The following TENM4 variants were observed in gnomAD, a reference collection of about 807,000 sequenced individuals.
The protein encoded by TENM4 is teneurin-4.
TENM4 carries 82 observed loss-of-function variants against 243.3 expected under a neutral mutation model. The observed-to-expected ratio is 0.34, with a 90% confidence interval of 0.28 to 0.40. The LOEUF is 0.40. Among genes scored for constraint, TENM4 ranks in the 10% least tolerant of loss-of-function variants. The pLI is 1.00. For missense variants in TENM4, 3,138 were observed against 3,673.3 expected (o/e 0.85, Z 3.77); for synonymous variants, 1,412 against 1,456.3 (o/e 0.97, Z 0.69).
intron 1 of TENM4, among the ~76,000 whole-genome samples, chr11:79,401,057 A>G (rs572125665): frequency 1.1e-3 from 175 of 152,348 alleles, no homozygotes; most frequent in African/African-American, 4.1e-3. Flanking sequence ...CGAGTGAAAA[A>G]TCAGTGGTAC....
Position 79,164,021 on chromosome 11 carries a change from GTATGTA to G in TENM4, c.-162-15221_-162-15216del, listed in dbSNP as rs1392468137. 2.8e-3 allele frequency among the ~76,000 whole-genome samples: 164 copies of G among 59,632 alleles called. 1 individual carries two copies. Among genetic ancestry groups the G allele is most frequent in the Non-Finnish European group, 4.1e-3 (114 of 28,060 alleles). 39.1% of individuals were successfully genotyped at this position (59,632 alleles called of 152,430 possible). A position where few individuals can be genotyped will look rare whatever the true frequency, so the allele number is the denominator to read the frequency against. On this transcript the variant is annotated intron_variant, in intron 3 of 33. Coordinates refer to ENST00000278550, the MANE Select transcript of TENM4 (RefSeq NM_001098816.3). ...TAGTATAGTATATAGTATATATATA[GTATGTA>G]TATAGTATATATACACTATAAATAC...
chr11:79,007,679 G>A (rs1858528235), intron 6 of TENM4, among the ~76,000 whole-genome samples: 1 of 152,122 alleles, frequency 6.6e-6, no homozygotes, highest in Non-Finnish European at 1.5e-5. Flanking sequence ...GACAGGAAAA[G>A]AGCACTCCAG....
rs117180005 is a variant in TENM4, at chr11:79,379,928, G to T, written c.-321+60581C>A. On this transcript the variant is annotated intron_variant, in intron 1 of 33. Transcript: ENST00000278550. Reference sequence around the variant, plus strand: ...CTGAGGGAGAGACTGGCTTGTCAGGGGCTGGGGGATCAAGAGCTCTGCTTT... The same window carrying T: ...CTGAGGGAGAGACTGGCTTGTCAGGTGCTGGGGGATCAAGAGCTCTGCTTT... Among the ~76,000 whole-genome samples the T allele has an allele frequency of 2.1e-3, 317 of 152,272 alleles. 1 individual carries two copies. The highest frequency in any genetic ancestry group is 4.6e-3 in the Admixed American group (71 of 15,306).
intron 32 of TENM4, among the ~76,000 whole-genome samples, chr11:78,662,829 C>T (rs1044302809): frequency 3.3e-5 from 5 of 152,178 alleles, no homozygotes; most frequent in South Asian, 2.1e-4. Context: ...TAGAGGAAGG[C>T]GGAAGCCTTT....
At chr11:79,162,389 G>C (rs1443661912) in intron 3 of TENM4, among the ~76,000 whole-genome samples, 2 of 152,178 alleles carry the variant, frequency 1.3e-5, no homozygotes, top group African/African-American at 4.8e-5. Context: ...GCTTAGAACA[G>C]AGTTTGACAA....
chr11:78,919,703 A>T (rs1228177678), intron 6 of TENM4, among the ~76,000 whole-genome samples: 1 of 152,128 alleles, frequency 6.6e-6, no homozygotes. Context: ...AGCTGCGCTG[A>T]TGGGAAAAGG....
intron 2 of TENM4, among the ~76,000 whole-genome samples, chr11:79,275,950 T>C (rs1204251524): frequency 6.6e-6 from 1 of 152,208 alleles, no homozygotes; most frequent in Non-Finnish European, 1.5e-5. Flanking sequence ...CTTTGGATCA[T>C]ATGGGTTTTA....
intron 1 of TENM4, among the ~76,000 whole-genome samples, chr11:79,413,300 G>A (rs872490): frequency 1.6e-4 from 24 of 151,966 alleles, no homozygotes; most frequent in Non-Finnish European, 3.4e-4. Flanking sequence ...TCCAGGCTGC[G>A]CACCACTCCT....
Position 78,903,423 on chromosome 11 carries a change from G to A in TENM4, c.594C>T (p.Asn198=). ...TPNQHHAASI[N]SLNRGNFTPR... is the part of the protein sequence containing the mutation. ...GCGTGAAGTTGCCCCGGTTCAGGGA[G>A]TTAATGGAGGCCGCGTGGTGCTGGT... is the stretch of plus-strand genomic sequence containing the variant. The change falls in exon 7 of 34, where the codon AAC becomes AAT. Residue 198 remains asparagine (N), a synonymous_variant. Transcript: ENST00000278550. 3.2e-6 allele frequency: 5 copies of A among 1,547,476 alleles called. No individual in the cohort carries two copies. The highest frequency in any genetic ancestry group is 2.5e-5 in the East Asian group (1 of 40,684).
chr11:78,850,234 T>C (rs1858504085), intron 12 of TENM4, among the ~76,000 whole-genome samples: 2 of 152,334 alleles, frequency 1.3e-5, no homozygotes, highest in Middle Eastern at 3.4e-3. Context: ...TTGCATTAAA[T>C]GGAGGAGAAA....
intron 1 of TENM4, among the ~76,000 whole-genome samples, chr11:79,384,475 G>A (rs2135530085): frequency 6.6e-6 from 1 of 152,226 alleles, no homozygotes; most frequent in East Asian, 1.9e-4. Flanking sequence ...GCCAGATTCT[G>A]AGCTCCTGGT....
At chr11:78,960,177 G>A (rs1174791344) in intron 6 of TENM4, among the ~76,000 whole-genome samples, 2 of 152,084 alleles carry the variant, frequency 1.3e-5, no homozygotes, top group Non-Finnish European at 2.9e-5. Flanking sequence ...GTGTTTCTGT[G>A]CATCATTTGA....
intron 6 of TENM4, among the ~76,000 whole-genome samples, chr11:78,955,633 C>T (rs1325742588): frequency 6.6e-6 from 1 of 152,188 alleles, no homozygotes; most frequent in Non-Finnish European, 1.5e-5. Flanking sequence ...GGAAAAGGAA[C>T]TGCAAAGAGT....
chr11:79,218,715 A>C (rs1864104294), intron 2 of TENM4, among the ~76,000 whole-genome samples: 2 of 152,156 alleles, frequency 1.3e-5, no homozygotes, highest in African/African-American at 4.8e-5. Context: ...TTTCCTTTTC[A>C]AATCCCATCC....
At chr11:78,741,624 G>C (rs1324243780) in intron 19 of TENM4, among the ~76,000 whole-genome samples, 1 of 151,996 alleles carries the variant, frequency 6.6e-6, no homozygotes, top group African/African-American at 2.4e-5. Context: ...TTTTAATAAT[G>C]GCTGTGTTTA....
In TENM4 at chr11:78,854,160, G is replaced by C. The variant is rs968439537; in HGVS notation, c.1625C>G (p.Ala542Gly). The stretch of plus-strand genomic sequence containing the variant: ...TGACTCCTTTCCGTCATTGTAAAAA[G>C]CCAAGTGCCAGATTCCTGAATCCAA... ...QYLDSGIWHL[A>G]FYNDGKESEV... The change falls in exon 12 of 34, where the codon GCT becomes GGT. Residue 542 changes from alanine to glycine, a missense_variant. Ala to Gly is a moderately conservative substitution (Grantham distance 60, BLOSUM62 0). Around this residue, in one of 2 missense-constraint regions of TENM4, gnomAD observed 2,467 missense variants for 3,059.1 expected, o/e 0.81. Coordinates refer to ENST00000278550, the MANE Select transcript of TENM4 (RefSeq NM_001098816.3). 1.2e-5 allele frequency: 19 copies of C among 1,551,596 alleles called. No homozygotes were observed. The highest frequency in any genetic ancestry group is 8.2e-5 in the African/African-American group (6 of 73,036).
At chr11:79,260,545 G>A (rs1049632919) in intron 2 of TENM4, among the ~76,000 whole-genome samples, 3 of 152,204 alleles carry the variant, frequency 2.0e-5, no homozygotes, top group African/African-American at 7.2e-5. Flanking sequence ...TGGAACCAGG[G>A]AACCTAGGTC....
At chr11:79,232,347 G>A (rs963226389) in intron 2 of TENM4, among the ~76,000 whole-genome samples, 1 of 152,180 alleles carries the variant, frequency 6.6e-6, no homozygotes, top group Non-Finnish European at 1.5e-5. Flanking sequence ...AGCATGCTGG[G>A]GCAGAGTCTT....
chr11:79,072,359 T>A (rs1860436016), intron 4 of TENM4, among the ~76,000 whole-genome samples: 1 of 151,992 alleles, frequency 6.6e-6, no homozygotes, highest in South Asian at 2.1e-4. Flanking sequence ...TGGTGGCACA[T>A]GCCTATAGTC....
Sources: allele counts gnomAD v4.1 joint callset (sites outside exome capture counted in the v4.1 genomes callset), GRCh38; gene constraint gnomAD v4.1.1; regional missense constraint gnomAD v4.1.1; transcripts MANE v1.5; gene names NCBI Gene and HGNC (gene_info 2026-07-23, HGNC 2026-07-21).